Variants in CSMD3 observed in about 807,000 individuals in gnomAD.
The protein encoded by CSMD3 is CUB and sushi domain-containing protein 3.
CSMD3 carries 177 observed loss-of-function variants against 435.2 expected under a neutral mutation model. That is an observed-to-expected ratio of 0.41 (90% CI 0.36 to 0.46). CSMD3 has a LOEUF of 0.46. CSMD3 is among the 20% of genes least tolerant of loss of function. The pLI is 0.34. For synonymous variants in CSMD3, 1,656 were observed against 1,520.5 expected, an observed-to-expected ratio of 1.09 and a Z score of -2.07; for missense variants, 4,265 against 4,504.6, an observed-to-expected ratio of 0.95 and a Z score of 1.52.
chr8:112,409,169 G>C, intron 32 of CSMD3, 137 bp from the exon 33 acceptor site: 1 of 1,470,908 alleles, frequency 6.8e-7, no homozygotes, highest in Non-Finnish European at 9.1e-7. Context: ...CTACCTAAAA[G>C]AGGATAGGTG....
intron 55 of CSMD3, 51 bp from the exon 56 acceptor site, chr8:112,291,746 C>A (rs1819781929): frequency 1.8e-6 from 2 of 1,142,594 alleles, no homozygotes; most frequent in Non-Finnish European, 1.3e-6. Context: ...TATACATATA[C>A]CTATATAGAT....
intron 3 of CSMD3, among the ~76,000 whole-genome samples, chr8:113,239,998 C>T (rs2093195427): frequency 6.6e-6 from 1 of 152,014 alleles, no homozygotes; most frequent in South Asian, 2.1e-4. Context: ...GATCTTCTAG[C>T]TCCTCCCACC....
At position 113,338,347 on chromosome 8, in the gene CSMD3, C is replaced by T. The variant is rs556317107; in HGVS notation, c.179-23554G>A. ...TTTGCAAATTCCTCAATAGATTATA[C>T]ATAGAGTACCATCTGACCCAGAAAT... On this transcript the variant is annotated intron_variant, in intron 1 of 70. Transcript: ENST00000297405. 2.6e-4 allele frequency among the ~76,000 whole-genome samples: 40 copies of T among 151,970 alleles called. No individual in the cohort carries two copies. The South Asian group carries it at 6.6e-3, about 25-fold the overall frequency.
At chr8:112,792,558 A>G (rs1414250754) in intron 13 of CSMD3, among the ~76,000 whole-genome samples, 1 of 152,278 alleles carries the variant, frequency 6.6e-6, no homozygotes. Flanking sequence ...ATTTGGGAGG[A>G]ATATAAATAT....
chr8:112,401,122 T>C (rs1211151963), intron 35 of CSMD3, among the ~76,000 whole-genome samples: 1 of 152,062 alleles, frequency 6.6e-6, no homozygotes, highest in Non-Finnish European at 1.5e-5. Flanking sequence ...GGTGGGAGGA[T>C]TGTTTGAACT....
chr8:113,144,929 G>T (rs932936534), intron 4 of CSMD3, among the ~76,000 whole-genome samples: 5 of 151,530 alleles, frequency 3.3e-5, no homozygotes, highest in African/African-American at 1.2e-4. Context: ...ACTGGAGATT[G>T]GGAAATGAAA....
chr8:113,223,042 A>T (rs1205523724), intron 3 of CSMD3, among the ~76,000 whole-genome samples: 3 of 150,798 alleles, frequency 2.0e-5, no homozygotes, highest in African/African-American at 7.3e-5. Flanking sequence ...TATTCCTAAA[A>T]AGAGTATTAA....
At chr8:113,296,084 G>A (rs2093719159) in intron 2 of CSMD3, among the ~76,000 whole-genome samples, 1 of 151,928 alleles carries the variant, frequency 6.6e-6, no homozygotes, top group African/African-American at 2.4e-5. Flanking sequence ...ACTCATAGGT[G>A]GGAAGTGAAC....
intron 1 of CSMD3, among the ~76,000 whole-genome samples, chr8:113,413,733 T>C (rs554744779): frequency 3.3e-5 from 5 of 152,198 alleles, no homozygotes; most frequent in Non-Finnish European, 7.4e-5. Flanking sequence ...TTTTGTATAG[T>C]GACAATGAAA....
At chr8:113,160,564 T>C (rs1341380145) in intron 4 of CSMD3, among the ~76,000 whole-genome samples, 1 of 152,052 alleles carries the variant, frequency 6.6e-6, no homozygotes, top group African/African-American at 2.4e-5. Context: ...CTTTTGATAG[T>C]TGGTAGAATG....
At chr8:112,244,283 C>T (rs1814471225) in intron 65 of CSMD3, 111 bp downstream of exon 65, 3 of 873,260 alleles carry the variant, frequency 3.4e-6, no homozygotes, top group African/African-American at 1.7e-5. Flanking sequence ...TTGGAGTTAG[C>T]CAACAAATTT....
At chr8:112,673,565 A>G (rs1230636637) in intron 16 of CSMD3, among the ~76,000 whole-genome samples, 2 of 152,154 alleles carry the variant, frequency 1.3e-5, no homozygotes, top group African/African-American at 4.8e-5. Context: ...AGAACCACAA[A>G]TCAATTCTGA....
chr8:112,721,820 G>A (rs1358747250), intron 13 of CSMD3, among the ~76,000 whole-genome samples: 3 of 152,060 alleles, frequency 2.0e-5, no homozygotes, highest in East Asian at 3.9e-4. Context: ...GTTTTGAAGG[G>A]ATGATATTAA....
intron 32 of CSMD3, among the ~76,000 whole-genome samples, chr8:112,470,963 G>GT (rs1818466290): frequency 1.3e-5 from 2 of 151,950 alleles, no homozygotes; most frequent in South Asian, 2.1e-4. Context: ...CAACGTAGCA[G>GT]TTTTTTTATA....
chr8:113,074,353 C>T (rs945106444), intron 5 of CSMD3, among the ~76,000 whole-genome samples: 2 of 151,866 alleles, frequency 1.3e-5, no homozygotes, highest in Non-Finnish European at 1.5e-5. Flanking sequence ...AATGCAACAG[C>T]TGCACCTACT....
At chr8:112,371,859 C>T (rs1828427765) in intron 38 of CSMD3, among the ~76,000 whole-genome samples, 1 of 151,636 alleles carries the variant, frequency 6.6e-6, no homozygotes, top group African/African-American at 2.4e-5. Flanking sequence ...CATTGCACTC[C>T]AGCCTGAGCG....
At chr8:112,413,748 A>G (rs972620084) in intron 32 of CSMD3, among the ~76,000 whole-genome samples, 2 of 152,194 alleles carry the variant, frequency 1.3e-5, no homozygotes, top group African/African-American at 2.4e-5. Flanking sequence ...CTAATCTGCA[A>G]TATGGTTGAA....
chr8:113,430,659 T>G (rs2130069721), intron 1 of CSMD3, among the ~76,000 whole-genome samples: 1 of 152,332 alleles, frequency 6.6e-6, no homozygotes, highest in South Asian at 2.1e-4. Context: ...ATGCTGGTAC[T>G]ACTTGTTGGA....
chr8:112,920,739 A>G (rs1330795132), intron 10 of CSMD3, among the ~76,000 whole-genome samples: 2 of 151,938 alleles, frequency 1.3e-5, no homozygotes, highest in Non-Finnish European at 2.9e-5. Flanking sequence ...TGATTTTAAT[A>G]CATTTGAACT....
Sources: gnomAD v4.1 joint callset for allele counts (sites outside exome capture counted in the v4.1 genomes callset) on GRCh38, gnomAD v4.1.1 for gene constraint, MANE v1.5 for transcripts, NCBI Gene and HGNC (gene_info 2026-07-23, HGNC 2026-07-21) for gene names.